Variants in DST observed in about 807,000 individuals in gnomAD.
The protein encoded by DST is bullous pemphigoid antigen.
DST carries 253 observed loss-of-function variants against 875.2 expected under a neutral mutation model. The ratio of observed to expected loss-of-function variants is 0.29; its 90% CI spans 0.26 to 0.32. The LOEUF (loss-of-function observed/expected upper bound fraction) is 0.32, where lower values mean the gene tolerates loss of function less well. DST is among the 10% of genes least tolerant of loss of function. DST has a pLI of 1.00. For missense variants in DST, 8,287 were observed against 9,111.6 expected, an observed-to-expected ratio of 0.91 and a Z score of 3.68; for synonymous variants, 3,124 against 3,197.1, an observed-to-expected ratio of 0.98 and a Z score of 0.77.
In DST at chr6:56,648,419, T is replaced by C. The variant is rs548074494; in HGVS notation, c.1554+151A>G. The C allele has an allele frequency of 8.3e-6, 5 of 600,074 alleles. No individual in the cohort carries two copies. The African/African-American group carries it at 9.4e-5, about 11-fold the overall frequency. The allele number at this position is 600,074 out of a possible 1,614,324, so 37.2% of individuals were successfully genotyped here. ...TTTTACCTCCATTTTCTCTGTATAA[T>C]AAGAGAAATGAGTAATACAAATTTT... On this transcript the variant is annotated intron_variant, in intron 13 of 103. Coordinates refer to ENST00000680361, the MANE Select transcript of DST (RefSeq NM_001374736.1).
chr6:56,737,576 A>ATAGAACATTCTAATCATCACGGAAATTT (rs2099530074), intron 4 of DST, among the ~76,000 whole-genome samples: 1 of 152,248 alleles, frequency 6.6e-6, no homozygotes. Flanking sequence ...AAGCAGAGAA[A>ATAGAACATTCTAATCATCACGGAAATTT]TAGAACATTC....
chr6:56,534,137 C>T (rs1042721413), intron 63 of DST, among the ~76,000 whole-genome samples: 1 of 151,816 alleles, frequency 6.6e-6, no homozygotes, highest in African/African-American at 2.4e-5. Flanking sequence ...AGCAGCCATG[C>T]TAAGTGAAAT....
chr6:56,840,676 A>G (rs1384935069), intron 4 of DST, among the ~76,000 whole-genome samples: 1 of 152,198 alleles, frequency 6.6e-6, no homozygotes, highest in Non-Finnish European at 1.5e-5. Context: ...TACACCATAA[A>G]TAATTAGCGC....
At chr6:56,627,679 G>T (rs1469280888) in intron 33 of DST, among the ~76,000 whole-genome samples, 1 of 152,012 alleles carries the variant, frequency 6.6e-6, no homozygotes, top group African/African-American at 2.4e-5. Context: ...TACTTATTTA[G>T]GAACCTAGAA....
Position 56,604,141 on chromosome 6 carries a change from A to C in DST, c.10487T>G (p.Leu3496Arg), listed in dbSNP as rs1266673682. ...PLQLENIFYK[L>R]LADGYSEKIE... Reference sequence around the variant, plus strand: ...TTTCTCTGAATATCCATCAGCAAGCAGTTTGTAGAAAATATTTTCAAGCTG... The same window carrying C: ...TTTCTCTGAATATCCATCAGCAAGCCGTTTGTAGAAAATATTTTCAAGCTG... The change falls in exon 40 of 104, where the codon CTG becomes CGG. Residue 3496 changes from leucine to arginine, a missense_variant. Physicochemically the swap from Leu to Arg is moderately radical, Grantham distance 102. Transcript: ENST00000680361. 3 of 1,585,520 alleles carry C rather than the reference A, an allele frequency of 1.9e-6. No individual in the cohort carries two copies. In the South Asian group the frequency reaches 3.4e-5, roughly 18 times the overall value.
In DST at chr6:56,954,426, C is replaced by T. The variant is rs371865773; in HGVS notation, c.162G>A (p.Ser54=). 7.4e-5 allele frequency: 101 copies of T among 1,367,164 alleles called. No homozygotes were observed. Among genetic ancestry groups the T allele is most frequent in the Non-Finnish European group, 9.1e-5 (93 of 1,021,702 alleles). 84.7% of individuals were successfully genotyped at this position (1,367,164 alleles called of 1,614,324 possible). The change falls in exon 1 of 104, where the codon TCG becomes TCA. Residue 54 remains serine (S), a synonymous_variant. Transcript: ENST00000680361. ...TCTTACCTCGGCTTCTTGAACGACC[C>T]GAGAAGACCGATTTCATCGGATGCC... ...KGRHPMKSVF[S]GRSRSRDAVL... is the part of the protein sequence containing the mutation.
At chr6:56,623,636 CATTAAGCATA>C (rs2098709221) in intron 36 of DST, among the ~76,000 whole-genome samples, 1 of 152,180 alleles carries the variant, frequency 6.6e-6, no homozygotes, top group Non-Finnish European at 1.5e-5. Flanking sequence ...TATGGAGTTA[CATTAAGCATA>C]ATCACCTTTA....
rs2094263191 is a variant in DST at position 56,460,319 on chromosome 6, C to A, written c.23071-65G>T. The A allele has an allele frequency of 1.2e-5, 19 of 1,576,530 alleles. No homozygotes were observed. The South Asian group carries it at 2.2e-4, about 18-fold the overall frequency. ...CCTGTACCATGATATTCCACTGACA[C>A]CACTTCTTTACATATGGGTGGAAAC... On this transcript the variant is annotated intron_variant, in intron 102 of 103. Coordinates refer to ENST00000680361, the MANE Select transcript of DST (RefSeq NM_001374736.1).
intron 4 of DST, among the ~76,000 whole-genome samples, chr6:56,741,715 G>T (rs1269948613): frequency 6.6e-6 from 1 of 152,094 alleles, no homozygotes; most frequent in Non-Finnish European, 1.5e-5. Flanking sequence ...TTTCATTTCA[G>T]TTAGAGATGT....
intron 4 of DST, among the ~76,000 whole-genome samples, chr6:56,817,622 T>C (rs949786935): frequency 1.3e-5 from 2 of 152,208 alleles, no homozygotes; most frequent in Non-Finnish European, 2.9e-5. Flanking sequence ...AAGTTTGTCA[T>C]ACTTCATTTT....
intron 4 of DST, among the ~76,000 whole-genome samples, chr6:56,816,069 G>A (rs1437024807): frequency 1.3e-5 from 2 of 152,054 alleles, no homozygotes; most frequent in Admixed American, 1.3e-4. Flanking sequence ...AGCCATAAAT[G>A]TCCGTACAAA....
At chr6:56,867,510 A>T (rs2127601770) in intron 3 of DST, among the ~76,000 whole-genome samples, 1 of 152,322 alleles carries the variant, frequency 6.6e-6, no homozygotes, top group Non-Finnish European at 1.5e-5. Flanking sequence ...GGAAATAATG[A>T]TAGTCATTTA....
At chr6:56,573,179 A>C (rs1585230526) in intron 51 of DST, 115 bp from the exon 52 acceptor site, 1 of 915,764 alleles carries the variant, frequency 1.1e-6, no homozygotes. Flanking sequence ...GTGCCTAGGA[A>C]GGTTAACAGT....
In DST at chr6:56,593,880, A is replaced by G; in HGVS notation, c.12509T>C (p.Leu4170Ser). 2 of 1,613,964 alleles carry G rather than the reference A, an allele frequency of 1.2e-6. No homozygotes were observed. Among genetic ancestry groups the G allele is most frequent in the Non-Finnish European group, 1.7e-6 (2 of 1,179,868 alleles). ...LEAGADDINGLMTKLKRQKSF... is the reference protein window; with the variant it reads ...LEAGADDINGSMTKLKRQKSF... ...CTTCTGCCTCTTCAATTTGGTCATT[A>G]AACCATTGATGTCATCTGCACCTGC... Residue 4170 changes from leucine to serine, a missense_variant, in exon 48 of 104, where the codon TTA becomes TCA. This residue lies in a region of DST where 1,513 missense variants were observed against 1,677.8 expected (regional missense o/e 0.90). Transcript: ENST00000680361.
chr6:56,539,032 G>A (rs570682412), intron 61 of DST, among the ~76,000 whole-genome samples: 16 of 151,746 alleles, frequency 1.1e-4, no homozygotes, highest in Non-Finnish European at 1.8e-4. Flanking sequence ...GGAGGGTGGG[G>A]GTGTACAAAA....
chr6:56,476,018 T>G (rs559249027), intron 92 of DST, 131 bp downstream of exon 92: 5 of 787,578 alleles, frequency 6.3e-6, no homozygotes, highest in African/African-American at 5.3e-5. Flanking sequence ...GGAAACACAG[T>G]TGTAAGGAGC....
intron 56 of DST, among the ~76,000 whole-genome samples, 183 bp from the exon 57 acceptor site, chr6:56,561,732 C>A (rs2097538488): frequency 6.6e-6 from 1 of 151,998 alleles, no homozygotes; most frequent in African/African-American, 2.4e-5. Flanking sequence ...GCTATTTAGT[C>A]ACAAATAATT....
rs777387973 is a variant in DST at position 56,552,513 on chromosome 6, C to G, written c.16279G>C (p.Ala5427Pro). 3.1e-6 allele frequency: 5 copies of G among 1,613,896 alleles called. No individual in the cohort carries two copies. In the South Asian group the frequency reaches 5.5e-5, roughly 18 times the overall value. Residue 5427 changes from alanine (A) to proline (P), a missense_variant, in exon 61 of 104, where the codon GCC becomes CCC. By Grantham distance (27) the Ala-to-Pro change is conservative. Around this residue, in one of 10 missense-constraint regions of DST, gnomAD observed 9 missense variants for 25.2 expected, o/e 0.36. Coordinates refer to ENST00000680361, the MANE Select transcript of DST (RefSeq NM_001374736.1). ...AGGGCTTCTAGTTTCTTTAGAAAGG[C>G]TTTTATAGTTTCCTTTTGCTTTTGC... ...TLQKQKETIK[A>P]FLKKLEALMA... is the part of the protein sequence containing the mutation.
In DST at chr6:56,812,477, G is replaced by A. The variant is rs150002893; in HGVS notation, c.625+38920C>T. On this transcript the variant is annotated intron_variant, in intron 4 of 103. Transcript: ENST00000680361. Reference sequence around the variant, plus strand: ...AAACATAAACTGTATTCTATAGGAGGAGAAAACATTCTGAGGTAAATCTTA... The same window carrying A: ...AAACATAAACTGTATTCTATAGGAGAAGAAAACATTCTGAGGTAAATCTTA... Among the ~76,000 whole-genome samples the A allele has an allele frequency of 1.0e-3, 156 of 152,292 alleles. 1 individual carries two copies. The East Asian group carries it at 0.026, about 26-fold the overall frequency.
Sources: allele counts gnomAD v4.1 joint callset (sites outside exome capture counted in the v4.1 genomes callset), GRCh38; gene constraint gnomAD v4.1.1; regional missense constraint gnomAD v4.1.1; transcripts MANE v1.5; gene names NCBI Gene and HGNC (gene_info 2026-07-23, HGNC 2026-07-21).